Variants in PRKN observed in about 807,000 individuals in gnomAD.
PRKN encodes the protein parkin RBR E3 ubiquitin protein ligase.
Under a neutral mutation model 59.5 loss-of-function variants are expected in PRKN, and 56 were observed. That is an observed-to-expected ratio of 0.94 (90% confidence interval 0.76 to 1.18). The LOEUF (loss-of-function observed/expected upper bound fraction) is 1.18. PRKN is among the 50% of genes most tolerant of loss of function. The pLI is 0.00. For missense variants in PRKN, 657 were observed against 596.4 expected, an observed-to-expected ratio of 1.10 and a Z score of -1.06; for synonymous variants, 250 against 222.1, an observed-to-expected ratio of 1.13 and a Z score of -1.12.
chr6:161,894,935 A>G (rs1025110745), intron 6 of PRKN, among the ~76,000 whole-genome samples: 8 of 152,190 alleles, frequency 5.3e-5, no homozygotes, highest in African/African-American at 1.9e-4. Flanking sequence ...TTAAGATGGA[A>G]AATTTGAAGC....
intron 6 of PRKN, among the ~76,000 whole-genome samples, chr6:161,831,297 G>A (rs1792488920): frequency 6.6e-6 from 1 of 152,224 alleles, no homozygotes; most frequent in Non-Finnish European, 1.5e-5. Flanking sequence ...CAAGAATGAT[G>A]TTGATTGGAT....
chr6:162,112,340 A>G (rs1780475141), intron 4 of PRKN, among the ~76,000 whole-genome samples: 1 of 152,176 alleles, frequency 6.6e-6, no homozygotes, highest in Admixed American at 6.5e-5. Context: ...TTTTATAGGT[A>G]TTCATGTCTA....
At chr6:162,453,880 G>A (rs1309051415) in intron 1 of PRKN, among the ~76,000 whole-genome samples, 1 of 152,092 alleles carries the variant, frequency 6.6e-6, no homozygotes, top group Non-Finnish European at 1.5e-5. Context: ...TCCAGCCTGG[G>A]CGACAAGAGT....
At chr6:162,040,197 C>A (rs1163065154) in intron 5 of PRKN, among the ~76,000 whole-genome samples, 1 of 152,164 alleles carries the variant, frequency 6.6e-6, no homozygotes, top group Non-Finnish European at 1.5e-5. Context: ...TCCCTCTGGT[C>A]TCTCCAGCAC....
intron 1 of PRKN, among the ~76,000 whole-genome samples, chr6:162,573,832 T>C (rs1016674961): frequency 2.6e-5 from 4 of 152,244 alleles, no homozygotes; most frequent in African/African-American, 7.2e-5. Context: ...TGATCATTTA[T>C]GTAACACAAA....
chr6:162,583,695 C>A (rs967674483), intron 1 of PRKN, among the ~76,000 whole-genome samples: 13 of 152,086 alleles, frequency 8.5e-5, no homozygotes, highest in African/African-American at 2.4e-4. Flanking sequence ...CTGCAAGTAG[C>A]GAGACTCATA....
chr6:162,106,564 G>C (rs1780202803), intron 4 of PRKN, among the ~76,000 whole-genome samples: 1 of 152,076 alleles, frequency 6.6e-6, no homozygotes, highest in Non-Finnish European at 1.5e-5. Flanking sequence ...GTTTCTCTTA[G>C]ATACTTCTTC....
intron 7 of PRKN, among the ~76,000 whole-genome samples, chr6:161,775,350 C>T (rs1041488814): frequency 2.0e-5 from 3 of 151,998 alleles, no homozygotes; most frequent in African/African-American, 7.2e-5. Flanking sequence ...TCAAGCAATC[C>T]TCCCACCTCA....
At chr6:162,548,185 G>C (rs1412308807) in intron 1 of PRKN, among the ~76,000 whole-genome samples, 2 of 152,014 alleles carry the variant, frequency 1.3e-5, no homozygotes. Context: ...TCAGCCTCCT[G>C]AGTAGCTAGG....
chr6:162,064,784 T>G (rs1466795073), intron 4 of PRKN, among the ~76,000 whole-genome samples: 3 of 152,212 alleles, frequency 2.0e-5, no homozygotes, highest in Non-Finnish European at 2.9e-5. Context: ...TTACATGAAA[T>G]TGTCTATAGT....
intron 2 of PRKN, among the ~76,000 whole-genome samples, chr6:162,427,627 T>C (rs567208401): frequency 6.6e-5 from 10 of 151,966 alleles, no homozygotes; most frequent in Non-Finnish European, 4.4e-5. Flanking sequence ...ATATTACTTA[T>C]AGGCTGGTAA....
chr6:161,918,272 G>A (rs1043177884), intron 6 of PRKN, among the ~76,000 whole-genome samples: 1 of 152,164 alleles, frequency 6.6e-6, no homozygotes, highest in Non-Finnish European at 1.5e-5. Flanking sequence ...ATTTGCTGAC[G>A]AAAGCCCTCT....
intron 7 of PRKN, among the ~76,000 whole-genome samples, chr6:161,717,605 A>G (rs940589835): frequency 6.6e-6 from 1 of 152,152 alleles, no homozygotes; most frequent in African/African-American, 2.4e-5. Flanking sequence ...CGGTGTTCCT[A>G]ATTCGTGAAT....
chr6:161,775,030 C>A (rs1404648604), intron 7 of PRKN, among the ~76,000 whole-genome samples: 1 of 151,998 alleles, frequency 6.6e-6, no homozygotes, highest in Admixed American at 6.6e-5. Flanking sequence ...TATACAAGGT[C>A]CAGGAGCTAG....
Position 162,262,782 on chromosome 6 carries a change from TAAAAAAAAAA to T in PRKN, c.172-27_172-18del. 2.2e-6 allele frequency: 3 copies of T among 1,360,310 alleles called. No individual in the cohort carries two copies. The highest frequency in any genetic ancestry group is 9.5e-7 in the Non-Finnish European group (1 of 1,052,642). The allele number at this position is 1,360,310 out of a possible 1,614,324, so 84.3% of individuals were successfully genotyped here. ...GTCACAATTCTGTTTGGGAGCAAGG[TAAAAAAAAAA>T]AAAAAAAAAAAGGAAATGTCAAACA... On this transcript the variant is annotated intron_variant, in intron 2 of 11. Transcript: ENST00000366898.
rs897614297 is a variant in PRKN at position 161,429,372 on chromosome 6, C to T, written c.1084-42495G>A. On this transcript the variant is annotated intron_variant, in intron 9 of 11. Transcript: ENST00000366898. This position sits in a 1 kb window ranked among gnomAD's most constrained non-coding sequence, Gnocchi z 4.2. Reference sequence around the variant, plus strand: ...GGCAAGTAAACAGGTCATTATAACACAGCAGTGCCCTAAGTGCTATTGCTC... The same window carrying T: ...GGCAAGTAAACAGGTCATTATAACATAGCAGTGCCCTAAGTGCTATTGCTC... 4.6e-5 allele frequency among the ~76,000 whole-genome samples: 7 copies of T among 152,144 alleles called. No homozygotes were observed. The highest frequency in any genetic ancestry group is 1.7e-4 in the African/African-American group (7 of 41,402).
chr6:161,992,184 C>T (rs1781674106), intron 5 of PRKN, among the ~76,000 whole-genome samples: 1 of 151,902 alleles, frequency 6.6e-6, no homozygotes, highest in Admixed American at 6.6e-5. Flanking sequence ...ACTAAAAATA[C>T]AAAAATTAGT....
chr6:162,096,608 GT>G (rs1245938683), intron 4 of PRKN, among the ~76,000 whole-genome samples: 1 of 152,020 alleles, frequency 6.6e-6, no homozygotes, highest in African/African-American at 2.4e-5. Context: ...TGTTCCCCTG[GT>G]AGTGAATAAG....
rs1271065636 is a variant in PRKN at position 161,754,515 on chromosome 6, A to T, written c.871+31257T>A. Among the ~76,000 whole-genome samples, 8 of 152,232 alleles carry T rather than the reference A, an allele frequency of 5.3e-5. No homozygotes were observed. In the South Asian group the frequency reaches 1.0e-3, roughly 20 times the overall value. ...TGGGAGGCTGCGGTGCGTGATTAGC[A>T]GCAGGTGAGAGTAGAGAAGACAGCG... On this transcript the variant is annotated intron_variant, in intron 7 of 11. Coordinates refer to ENST00000366898, the MANE Select transcript of PRKN (RefSeq NM_004562.3).
Sources: gnomAD v4.1 joint callset for allele counts (sites outside exome capture counted in the v4.1 genomes callset) on GRCh38, gnomAD v4.1.1 for gene constraint, Gnocchi (gnomAD v3.1) non-coding constraint, MANE v1.5 for transcripts, NCBI Gene and HGNC (gene_info 2026-07-23, HGNC 2026-07-21) for gene names.